The following ENPEP variants were observed in gnomAD, a reference collection of about 807,000 sequenced individuals.
ENPEP encodes the protein glutamyl aminopeptidase.
ENPEP carries 103 observed loss-of-function variants against 114.5 expected under a neutral mutation model. That is an observed-to-expected ratio of 0.90 (90% CI 0.77 to 1.06). ENPEP has a LOEUF of 1.06. Among genes scored for constraint, ENPEP ranks in the 50% least tolerant of loss-of-function variants. The probability of loss-of-function intolerance (pLI) is 0.00; values close to 1 mark genes in which losing one functional copy is unlikely to be tolerated. For missense variants in ENPEP, 1,196 were observed against 1,161.3 expected, an observed-to-expected ratio of 1.03 and a Z score of -0.43; for synonymous variants, 420 against 422.0, an observed-to-expected ratio of 1.00 and a Z score of 0.06.
At chr4:110,488,920 T>A (rs541642366) in intron 2 of ENPEP, among the ~76,000 whole-genome samples, 1 of 152,206 alleles carries the variant, frequency 6.6e-6, no homozygotes, top group African/African-American at 2.4e-5. Context: ...GACAATGCCA[T>A]AGACACACAC....
intron 8 of ENPEP, among the ~76,000 whole-genome samples, chr4:110,518,798 C>G (rs965753100): frequency 3.3e-5 from 5 of 152,100 alleles, no homozygotes; most frequent in Non-Finnish European, 5.9e-5. Context: ...ATTTAAAGTC[C>G]CTTCCAGTTC....
At chr4:110,481,866 A>G (rs1208056330) in intron 1 of ENPEP, among the ~76,000 whole-genome samples, 1 of 152,186 alleles carries the variant, frequency 6.6e-6, no homozygotes, top group Non-Finnish European at 1.5e-5. Flanking sequence ...TAGCGCTAGT[A>G]GGATTTAAGC....
At chr4:110,499,244 AG>A (rs1243516347) in intron 3 of ENPEP, among the ~76,000 whole-genome samples, 1 of 152,236 alleles carries the variant, frequency 6.6e-6, no homozygotes, top group African/African-American at 2.4e-5. Flanking sequence ...TGGGACACAT[AG>A]AACTATTACA....
intron 18 of ENPEP, among the ~76,000 whole-genome samples, chr4:110,556,351 T>A (rs1411235341): frequency 6.6e-6 from 1 of 152,078 alleles, no homozygotes; most frequent in East Asian, 1.9e-4. Context: ...TTTACAGAAA[T>A]GGAAACATAT....
At position 110,551,519 on chromosome 4, in the gene ENPEP, G is replaced by A. The variant is rs1213423062; in HGVS notation, c.2501+1633G>A. Among the ~76,000 whole-genome samples the A allele has an allele frequency of 2.6e-5, 4 of 152,184 alleles. No homozygotes were observed. In the East Asian group the frequency reaches 7.7e-4, roughly 29 times the overall value. On this transcript the variant is annotated intron_variant, in intron 17 of 19. Transcript: ENST00000265162. ...GATTCTGCAGCAAGTCCAGGCTGCA[G>A]TACGAGCTTCCTTGGAATCCCTTTC...
rs1339857033 is a variant in ENPEP, at chr4:110,479,443, G to A, written c.644+2385G>A. Among the ~76,000 whole-genome samples, 3 of 151,920 alleles carry A rather than the reference G, an allele frequency of 2.0e-5. No individual in the cohort carries two copies. The East Asian group carries it at 5.8e-4, about 29-fold the overall frequency. On this transcript the variant is annotated intron_variant, in intron 1 of 19. Coordinates refer to ENST00000265162, the MANE Select transcript of ENPEP (RefSeq NM_001977.4). ...ATTTAAGAAAATTCCTAGAAGATGG[G>A]CCAAAACTACCTGTGTATAAATGCA...
At chr4:110,485,608 GT>G (rs1293165146) in intron 1 of ENPEP, among the ~76,000 whole-genome samples, 2 of 152,154 alleles carry the variant, frequency 1.3e-5, no homozygotes. Flanking sequence ...CTTTTTGAAT[GT>G]TTTTTCCCCC....
In ENPEP at chr4:110,520,435, C is replaced by G. The variant is rs1364476732; in HGVS notation, c.1727+69C>G. 3 of 1,508,386 alleles carry G rather than the reference C, an allele frequency of 2.0e-6. No homozygotes were observed. In the African/African-American group the frequency reaches 4.1e-5, roughly 21 times the overall value. The allele number at this position is 1,508,386 out of a possible 1,614,324, so 93.4% of individuals were successfully genotyped here. A position where few individuals can be genotyped will look rare whatever the true frequency, so the allele number is the denominator to read the frequency against. ...GAAATATTGGTAATTTGTTTATATC[C>G]TATTGTTGAGTACATGATGGATGAG... On this transcript the variant is annotated intron_variant, in intron 10 of 19. Transcript: ENST00000265162.
Position 110,509,767 on chromosome 4 carries a change from A to G in ENPEP, c.1154A>G (p.Gln385Arg). 1 of 1,614,200 alleles carries G rather than the reference A, an allele frequency of 6.2e-7. No homozygotes were observed. Among genetic ancestry groups the G allele is most frequent in the Non-Finnish European group, 8.5e-7 (1 of 1,180,012 alleles). ...DPKESASSNQ[Q>R]RVATVVAHEL... ...AAGGAATCAGCCTCATCAAACCAAC[A>G]GAGGGTGGCCACTGTGGTTGCCCAT... Residue 385 changes from glutamine to arginine, a missense_variant, in exon 5 of 20, where the codon CAG becomes CGG. By Grantham distance (43) the Gln-to-Arg change is conservative. Transcript: ENST00000265162.
intron 1 of ENPEP, among the ~76,000 whole-genome samples, chr4:110,478,677 A>T (rs1190902661): frequency 6.6e-6 from 1 of 152,182 alleles, no homozygotes; most frequent in Non-Finnish European, 1.5e-5. Flanking sequence ...GGACTCAAGC[A>T]ATCCTCCTGC....
chr4:110,560,281 G>A (rs1218676337), intron 19 of ENPEP, among the ~76,000 whole-genome samples: 1 of 152,160 alleles, frequency 6.6e-6, no homozygotes, highest in African/African-American at 2.4e-5. Context: ...ATAGTAGAAT[G>A]ATTTATAATC....
chr4:110,487,288 T>G (rs569828867), intron 1 of ENPEP, among the ~76,000 whole-genome samples: 4 of 152,308 alleles, frequency 2.6e-5, no homozygotes, highest in South Asian at 2.1e-4. Context: ...TTCAGGAAAG[T>G]GCTATTATCA....
intron 6 of ENPEP, among the ~76,000 whole-genome samples, chr4:110,510,966 T>G (rs1199786690): frequency 2.0e-5 from 3 of 152,204 alleles, no homozygotes; most frequent in Non-Finnish European, 4.4e-5. Context: ...TAACAGGTAG[T>G]GTGTCCCTCA....
Position 110,509,644 on chromosome 4 carries a change from C to T in ENPEP, c.1040-9C>T, listed in dbSNP as rs904716138. 2 of 1,609,308 alleles carry T rather than the reference C, an allele frequency of 1.2e-6. No homozygotes were observed. The highest frequency in any genetic ancestry group is 1.7e-6 in the Non-Finnish European group (2 of 1,178,764). ...TGTATTTCTCACTGGACTCTTTCTT[C>T]TTCTATAGATAAAATCGCTATTCCA... On this transcript the variant is annotated splice_polypyrimidine_tract_variant and intron_variant, in intron 4 of 19. Transcript: ENST00000265162.
chr4:110,476,448 T>C lies in ENPEP; in HGVS notation c.34T>C (p.Tyr12His), dbSNP rs1362732132. 3 of 1,543,234 alleles carry C rather than the reference T, an allele frequency of 1.9e-6. No individual in the cohort carries two copies. The South Asian group carries it at 3.8e-5, about 19-fold the overall frequency. ...NFAEREGSKR[Y>H]CIQTKHVAIL... The stretch of plus-strand genomic sequence containing the variant: ...TGCGGAGAGAGAGGGCTCTAAGAGA[T>C]ACTGCATTCAAACGAAACATGTGGC... Residue 12 changes from tyrosine (Y) to histidine (H), a missense_variant, in exon 1 of 20, where the codon TAC becomes CAC. By Grantham distance (83) the Tyr-to-His change is moderately conservative. Transcript: ENST00000265162.
rs759140348 is a variant in ENPEP at position 110,509,811 on chromosome 4, C to T, written c.1194+4C>T. 1 of 1,611,894 alleles carries T rather than the reference C, an allele frequency of 6.2e-7. No homozygotes were observed. The highest frequency in any genetic ancestry group is 8.5e-7 in the Non-Finnish European group (1 of 1,179,454). ...TGCCCATGAACTTGTGCATCAGGTA[C>T]AGAATCTTAGCACTGAATCAGCTTG... On this transcript the variant is annotated splice_donor_region_variant and intron_variant, in intron 5 of 19. Transcript: ENST00000265162.
Position 110,561,612 on chromosome 4 carries a change from C to A in ENPEP, c.*54C>A. On this transcript the variant is annotated 3_prime_UTR_variant, in exon 20 of 20. Transcript: ENST00000265162. ...TGAATCTATTGTTTCTCCTCTGAAG[C>A]ATTTGGTGGCCTAATTTACAAGCAC... is the stretch of plus-strand genomic sequence containing the variant. The A allele has an allele frequency of 6.5e-7, 1 of 1,543,726 alleles. No individual in the cohort carries two copies. The highest frequency in any genetic ancestry group is 8.8e-7 in the Non-Finnish European group (1 of 1,137,108).
intron 3 of ENPEP, among the ~76,000 whole-genome samples, chr4:110,499,078 T>C (rs1309589071): frequency 6.6e-6 from 1 of 152,144 alleles, no homozygotes; most frequent in Non-Finnish European, 1.5e-5. Context: ...GTCAAAACCA[T>C]AACATTTATT....
chr4:110,559,578 T>A, intron 18 of ENPEP, 69 bp from the exon 19 acceptor site: 1 of 1,101,690 alleles, frequency 9.1e-7, no homozygotes, highest in South Asian at 1.4e-5. Flanking sequence ...AAAGGAAACA[T>A]CTGCATTTAG....
Sources: allele counts gnomAD v4.1 joint callset (sites outside exome capture counted in the v4.1 genomes callset), GRCh38; gene constraint gnomAD v4.1.1; transcripts MANE v1.5; gene names NCBI Gene and HGNC (gene_info 2026-07-23, HGNC 2026-07-21).